NCAM1: variants seen among roughly 807,000 people sequenced by gnomAD.
The protein encoded by NCAM1 is antigen recognized by monoclonal antibody 5.1H11.
NCAM1 carries 14 observed loss-of-function variants against 109.8 expected under a neutral mutation model. The observed-to-expected ratio is 0.13, with a 90% CI of 0.08 to 0.20. The LOEUF (loss-of-function observed/expected upper bound fraction) is 0.20, where lower values mean the gene tolerates loss of function less well. NCAM1 is among the 10% of genes least tolerant of loss of function. The pLI is 1.00. For missense variants in NCAM1, 774 were observed against 1,109.9 expected (o/e 0.70, Z 4.30); for synonymous variants, 418 against 442.9 (o/e 0.94, Z 0.70).
intron 1 of NCAM1, among the ~76,000 whole-genome samples, chr11:113,035,360 A>G (rs1411629058): frequency 6.6e-6 from 1 of 152,208 alleles, no homozygotes; most frequent in Non-Finnish European, 1.5e-5. Flanking sequence ...AGAATCACTA[A>G]CAATAATGAC....
chr11:113,129,880 G>A (rs1256011374), intron 1 of NCAM1, among the ~76,000 whole-genome samples: 2 of 152,182 alleles, frequency 1.3e-5, no homozygotes, highest in African/African-American at 4.8e-5. Flanking sequence ...CAGCAATTTA[G>A]CATAATGCTC....
intron 1 of NCAM1, among the ~76,000 whole-genome samples, chr11:113,045,391 G>A (rs1177050199): frequency 6.6e-6 from 1 of 152,128 alleles, no homozygotes; most frequent in Non-Finnish European, 1.5e-5. Flanking sequence ...CTCGGCAGGT[G>A]AGGGAGCACC....
intron 1 of NCAM1, among the ~76,000 whole-genome samples, chr11:113,200,811 C>T (rs991783955): frequency 1.4e-4 from 22 of 152,264 alleles, no homozygotes; most frequent in African/African-American, 4.1e-4. Context: ...CTGTGTGCTG[C>T]GACCACATTC....
At chr11:113,142,216 G>C (rs1941855437) in intron 1 of NCAM1, among the ~76,000 whole-genome samples, 1 of 152,066 alleles carries the variant, frequency 6.6e-6, no homozygotes, top group Admixed American at 6.5e-5. Context: ...TTCCTGTGTT[G>C]GGAGGAAAAA....
intron 15 of NCAM1, among the ~76,000 whole-genome samples, chr11:113,250,830 C>T (rs1203267510): frequency 1.3e-5 from 2 of 152,204 alleles, no homozygotes; most frequent in Non-Finnish European, 2.9e-5. Flanking sequence ...GGCTGAGTCT[C>T]GCTGTCACCC....
At chr11:112,975,278 G>A (rs1555067477) in intron 1 of NCAM1, among the ~76,000 whole-genome samples, 1 of 152,058 alleles carries the variant, frequency 6.6e-6, no homozygotes. Context: ...ACATTGGCAA[G>A]TGGCCATGTC....
chr11:113,271,919 C>T (rs782051155), intron 19 of NCAM1, 43 bp downstream of exon 19: 21 of 1,431,262 alleles, frequency 1.5e-5, no homozygotes, highest in African/African-American at 5.7e-5. Flanking sequence ...CGTAGAGACC[C>T]CCACACCCAC....
intron 1 of NCAM1, among the ~76,000 whole-genome samples, chr11:113,108,458 A>G (rs2135932503): frequency 6.6e-6 from 1 of 152,308 alleles, no homozygotes; most frequent in East Asian, 1.9e-4. Flanking sequence ...AGAGAGGAAG[A>G]TACCTCTCCA....
chr11:113,098,253 A>G lies in NCAM1; in HGVS notation c.53-104126A>G, dbSNP rs1257411125. On this transcript the variant is annotated intron_variant, in intron 1 of 19. Transcript: ENST00000316851. ...ACAGTTGTCCCTCGGTATAGAGGAG[A>G]TTGATTCTAGGATTACGCCCCTTAT... Among the ~76,000 whole-genome samples the G allele has an allele frequency of 2.0e-5, 3 of 152,144 alleles. No homozygotes were observed. The South Asian group carries it at 6.2e-4, about 31-fold the overall frequency.
chr11:112,962,157 A>G lies in NCAM1; in HGVS notation c.52+493A>G, dbSNP rs189917991. Among the ~76,000 whole-genome samples, 699 of 152,314 alleles carry G rather than the reference A, an allele frequency of 4.6e-3. 2 individuals are homozygous for G. The highest frequency in any genetic ancestry group is 0.016 in the African/African-American group (655 of 41,578). On this transcript the variant is annotated intron_variant, in intron 1 of 19. Transcript: ENST00000316851. This position sits in a 1 kb window ranked among gnomAD's most constrained non-coding sequence, Gnocchi z 5.6. ...CCCAGATCGTTATATTCCTGGGTCT[A>G]ATAAAGTCAGGATCGCTGCTTTGCT...
At position 113,273,476 on chromosome 11, in the gene NCAM1, C is replaced by G. The variant is rs1591479485; in HGVS notation, c.2456+1600C>G. 1 of 336,298 alleles carries G rather than the reference C, an allele frequency of 3.0e-6. No individual in the cohort carries two copies. The highest frequency in any genetic ancestry group is 5.9e-6 in the Non-Finnish European group (1 of 168,076). The allele number at this position is 336,298 out of a possible 1,614,324, so 20.8% of individuals were successfully genotyped here. On this transcript the variant is annotated intron_variant, in intron 19 of 19. Coordinates refer to ENST00000316851, the MANE Select transcript of NCAM1 (RefSeq NM_181351.5). The surrounding 1 kb of genome is among the most constrained non-coding windows in gnomAD (Gnocchi z 6.0). ...CCAAAGGCCCGGACCCGGAGCCCACCCAGCCCGGAGCCGCGAAGAGCCCGG... is the reference window on the plus strand; with the variant it reads ...CCAAAGGCCCGGACCCGGAGCCCACGCAGCCCGGAGCCGCGAAGAGCCCGG...
At chr11:113,140,153 G>A (rs1360708983) in intron 1 of NCAM1, among the ~76,000 whole-genome samples, 1 of 152,194 alleles carries the variant, frequency 6.6e-6, no homozygotes, top group Non-Finnish European at 1.5e-5. Context: ...ACATTTGTGT[G>A]GACTATCTGC....
intron 1 of NCAM1, among the ~76,000 whole-genome samples, chr11:113,091,811 C>A (rs899341052): frequency 6.6e-6 from 1 of 152,118 alleles, no homozygotes; most frequent in Non-Finnish European, 1.5e-5. Context: ...GTCGTGAAGG[C>A]GGATGAGAAT....
intron 1 of NCAM1, among the ~76,000 whole-genome samples, chr11:113,170,023 T>C (rs557008864): frequency 1.1e-4 from 16 of 152,370 alleles, no homozygotes; most frequent in Admixed American, 4.6e-4. Flanking sequence ...TCTCGATTCC[T>C]ACAACTCTTT....
chr11:113,009,160 C>G (rs141876568), intron 1 of NCAM1, among the ~76,000 whole-genome samples: 17 of 151,998 alleles, frequency 1.1e-4, no homozygotes, highest in Admixed American at 5.2e-4. Flanking sequence ...TCGTTTTTTT[C>G]TTTTTCAAAT....
intron 14 of NCAM1, among the ~76,000 whole-genome samples, chr11:113,245,544 C>T (rs138281005): frequency 1.3e-5 from 2 of 152,312 alleles, no homozygotes; most frequent in Non-Finnish European, 2.9e-5. Context: ...GTCAACACAG[C>T]CATTGTCTCA....
chr11:113,229,997 G>C (rs1253841884), intron 9 of NCAM1, among the ~76,000 whole-genome samples: 4 of 151,974 alleles, frequency 2.6e-5, no homozygotes, highest in Admixed American at 2.0e-4. Flanking sequence ...ACGAGTTAAT[G>C]GGTGCAGCAC....
At chr11:113,246,639 T>A (rs958214736) in intron 15 of NCAM1, among the ~76,000 whole-genome samples, 6 of 152,224 alleles carry the variant, frequency 3.9e-5, no homozygotes, top group African/African-American at 1.4e-4. Context: ...CACAGCACAG[T>A]TTGCAAACTT....
chr11:113,176,709 T>C (rs1591389172), intron 1 of NCAM1, among the ~76,000 whole-genome samples: 1 of 152,174 alleles, frequency 6.6e-6, no homozygotes, highest in African/African-American at 2.4e-5. Context: ...AATCCTCTCA[T>C]TGTTTGTTTT....
Sources: gnomAD v4.1 joint callset for allele counts (sites outside exome capture counted in the v4.1 genomes callset) on GRCh38, gnomAD v4.1.1 for gene constraint, Gnocchi (gnomAD v3.1) non-coding constraint, MANE v1.5 for transcripts, NCBI Gene and HGNC (gene_info 2026-07-23, HGNC 2026-07-21) for gene names.